Variants in UHRF2 observed in about 807,000 individuals in gnomAD.
The protein encoded by UHRF2 is ubiquitin like with PHD and ring finger domains 2.
In UHRF2, 23 loss-of-function variants were observed where a neutral mutation model predicts 96.8. The ratio of observed to expected loss-of-function variants is 0.24; its 90% CI spans 0.17 to 0.34. The LOEUF (loss-of-function observed/expected upper bound fraction) is 0.34. Ranked by LOEUF, UHRF2 falls within the 10% of genes least tolerant of loss-of-function variation. UHRF2 has a pLI of 1.00. For missense variants in UHRF2, 685 were observed against 981.5 expected (o/e 0.70, Z 4.04); for synonymous variants, 385 against 332.6 (o/e 1.16, Z -1.72).
chr9:6,503,046 G>A (rs1816383737), intron 14 of UHRF2, among the ~76,000 whole-genome samples: 1 of 152,298 alleles, frequency 6.6e-6, no homozygotes. Context: ...CCAGGCTGAA[G>A]TACAGTAGCA....
intron 1 of UHRF2, among the ~76,000 whole-genome samples, chr9:6,416,944 A>G (rs534732844): frequency 6.6e-6 from 1 of 152,332 alleles, no homozygotes; most frequent in South Asian, 2.1e-4. Flanking sequence ...GGCATGAACT[A>G]TAGTTGAAGA....
At chr9:6,430,322 A>T (rs1241879881) in intron 2 of UHRF2, among the ~76,000 whole-genome samples, 1 of 152,154 alleles carries the variant, frequency 6.6e-6, no homozygotes, top group Non-Finnish European at 1.5e-5. Flanking sequence ...TAATGTGGCT[A>T]TATCTTTGAT....
chr9:6,490,276 T>G lies in UHRF2; in HGVS notation c.1497+3351T>G, dbSNP rs139511005. ...AGATGATTACATTAACTGAGATAAT[T>G]TATGTGGCCCTTTGCACATAGCACG... On this transcript the variant is annotated intron_variant, in intron 9 of 15. Coordinates refer to ENST00000276893, the MANE Select transcript of UHRF2 (RefSeq NM_152896.3). Among the ~76,000 whole-genome samples, 1,046 of 152,336 alleles carry G rather than the reference T, an allele frequency of 6.9e-3. 15 individuals carry two copies. The highest frequency in any genetic ancestry group is 0.024 in the African/African-American group (1,008 of 41,578).
intron 4 of UHRF2, among the ~76,000 whole-genome samples, chr9:6,472,014 C>T (rs943094602): frequency 6.6e-6 from 1 of 152,206 alleles, no homozygotes; most frequent in Non-Finnish European, 1.5e-5. Context: ...GTAATATGTA[C>T]TTACCCTTAA....
intron 15 of UHRF2, 52 bp downstream of exon 15, chr9:6,504,743 TTTCTA>T: frequency 7.1e-7 from 1 of 1,400,240 alleles, no homozygotes; most frequent in Non-Finnish European, 1.0e-6. Flanking sequence ...GGCACACTAA[TTTCTA>T]TACCTGTTTT....
chr9:6,438,231 A>G (rs1820965108), intron 3 of UHRF2, among the ~76,000 whole-genome samples: 2 of 152,224 alleles, frequency 1.3e-5, no homozygotes, highest in Admixed American at 1.3e-4. Context: ...ATCTCTGAAG[A>G]TGGAGAATGG....
intron 3 of UHRF2, among the ~76,000 whole-genome samples, chr9:6,454,099 G>A (rs1404505047): frequency 6.6e-6 from 1 of 152,144 alleles, no homozygotes; most frequent in Non-Finnish European, 1.5e-5. Context: ...ACCACCATAT[G>A]AGATACAGTT....
At chr9:6,417,956 A>G (rs746991121) in intron 1 of UHRF2, among the ~76,000 whole-genome samples, 1 of 152,232 alleles carries the variant, frequency 6.6e-6, no homozygotes, top group Non-Finnish European at 1.5e-5. Context: ...TTCAATTTCC[A>G]GCAGTTTTAT....
chr9:6,466,551 G>GAAAAAAAAAAAAAAAAAAAAAAA lies in UHRF2; in HGVS notation c.863+5781_863+5782insAAAAAAAAAAAAAAAAAAAAAAA, dbSNP rs34552859. 2.7e-5 allele frequency among the ~76,000 whole-genome samples: 3 copies of GAAAAAAAAAAAAAAAAAAAAAAA among 110,950 alleles called. 1 individual carries two copies. Among genetic ancestry groups the GAAAAAAAAAAAAAAAAAAAAAAA allele is most frequent in the Non-Finnish European group, 5.3e-5 (3 of 56,490 alleles). The allele number at this position is 110,950 out of a possible 152,430, so 72.8% of individuals were successfully genotyped here. A position where few individuals can be genotyped will look rare whatever the true frequency, so the allele number is the denominator to read the frequency against. On this transcript the variant is annotated intron_variant, in intron 4 of 15. Coordinates refer to ENST00000276893, the MANE Select transcript of UHRF2 (RefSeq NM_152896.3). ...TGAGACTCTATCTCAAAAAAAAAAGGAAAAAAAAAAAAAAAAAAAAAGCTA... is the reference window on the plus strand; with the variant it reads ...TGAGACTCTATCTCAAAAAAAAAAGGAAAAAAAAAAAAAAAAAAAAAAAAAAAAAAAAAAAAAAAAAAAAGCTA...
At chr9:6,449,809 A>C (rs1244177225) in intron 3 of UHRF2, among the ~76,000 whole-genome samples, 1 of 152,134 alleles carries the variant, frequency 6.6e-6, no homozygotes, top group Non-Finnish European at 1.5e-5. Flanking sequence ...AATTATCTTG[A>C]ATGCTCTAAT....
At chr9:6,476,297 T>C (rs1823568712) in intron 5 of UHRF2, among the ~76,000 whole-genome samples, 1 of 152,252 alleles carries the variant, frequency 6.6e-6, no homozygotes, top group Non-Finnish European at 1.5e-5. Context: ...TCTTGCTGTT[T>C]CTTCTGTTAT....
At chr9:6,413,693 G>T in intron 1 of UHRF2, 50 bp downstream of exon 1, 1 of 1,484,310 alleles carries the variant, frequency 6.7e-7, no homozygotes, top group Non-Finnish European at 8.9e-7. Context: ...CGGAACAGCT[G>T]GGCTCCTCTG....
At chr9:6,431,082 G>T (rs560067102) in intron 2 of UHRF2, among the ~76,000 whole-genome samples, 1 of 152,206 alleles carries the variant, frequency 6.6e-6, no homozygotes, top group East Asian at 1.9e-4. Context: ...AATCATACAG[G>T]CCTAAGTATT....
rs568972936 is a variant in UHRF2 at position 6,460,211 on chromosome 9, A to G, written c.645-362A>G. Among the ~76,000 whole-genome samples the G allele has an allele frequency of 1.1e-3, 175 of 152,370 alleles. 1 individual carries two copies. Among genetic ancestry groups the G allele is most frequent in the African/African-American group, 4.1e-3 (170 of 41,600 alleles). On this transcript the variant is annotated intron_variant, in intron 3 of 15. Coordinates refer to ENST00000276893, the MANE Select transcript of UHRF2 (RefSeq NM_152896.3). ...CAGTAATACGTGACTGAATAGATAC[A>G]TAACATATAGTTTATTCTAGAAAAA...
rs535100192 is a variant in UHRF2 at position 6,437,256 on chromosome 9, A to G, written c.644+3083A>G. Among the ~76,000 whole-genome samples, 3 of 152,342 alleles carry G rather than the reference A, an allele frequency of 2.0e-5. 1 individual carries two copies. The highest frequency in any genetic ancestry group is 1.3e-4 in the Admixed American group (2 of 15,294). On this transcript the variant is annotated intron_variant, in intron 3 of 15. Coordinates refer to ENST00000276893, the MANE Select transcript of UHRF2 (RefSeq NM_152896.3). ...ATTTTATTATTATTATTTTTTAGAC[A>G]GAGTCTCGTTCTGTTGCTCAGTCTG...
In UHRF2 at chr9:6,489,088, G is replaced by A. The variant is rs141502090; in HGVS notation, c.1497+2163G>A. 4.4e-3 allele frequency among the ~76,000 whole-genome samples: 665 copies of A among 152,296 alleles called. 4 individuals carry two copies. Among genetic ancestry groups the A allele is most frequent in the African/African-American group, 0.015 (635 of 41,546 alleles). ...GCCTCCCAAAGTGCTGGGATTACAG[G>A]CGTGAGCCACTGCTCCCAGCCTCAT... On this transcript the variant is annotated intron_variant, in intron 9 of 15. Transcript: ENST00000276893.
chr9:6,423,734 A>G (rs956139731), intron 2 of UHRF2, among the ~76,000 whole-genome samples: 3 of 151,776 alleles, frequency 2.0e-5, no homozygotes, highest in African/African-American at 7.3e-5. Context: ...TCATGAGGTC[A>G]GGAGTTCAAG....
At chr9:6,425,051 A>G (rs1017093693) in intron 2 of UHRF2, among the ~76,000 whole-genome samples, 2 of 152,178 alleles carry the variant, frequency 1.3e-5, no homozygotes, top group Non-Finnish European at 2.9e-5. Context: ...AAGTTTCTCC[A>G]CTATTAAACT....
At chr9:6,490,161 T>C (rs1409997354) in intron 9 of UHRF2, among the ~76,000 whole-genome samples, 2 of 152,358 alleles carry the variant, frequency 1.3e-5, no homozygotes, top group Non-Finnish European at 2.9e-5. Context: ...CTCTGACATT[T>C]GTTGTATTTG....
Sources: allele counts gnomAD v4.1 joint callset (sites outside exome capture counted in the v4.1 genomes callset), GRCh38; gene constraint gnomAD v4.1.1; transcripts MANE v1.5; gene names NCBI Gene and HGNC (gene_info 2026-07-23, HGNC 2026-07-21).